The following SPMIP4 variants were observed in gnomAD, a reference collection of about 807,000 sequenced individuals.
SPMIP4 encodes the protein sperm-associated microtubule inner protein 4.
the SPMIP4 span, among the ~76,000 whole-genome samples, chr7:25,170,531 T>G: frequency 2.6e-5 from 4 of 152,254 alleles, no homozygotes; most frequent in Non-Finnish European, 5.9e-5. Flanking sequence ...TTTTTTAATT[T>G]TGACGAAGTT....
chr7:25,147,927 A>T, the SPMIP4 span, among the ~76,000 whole-genome samples: 1 of 151,966 alleles, frequency 6.6e-6, no homozygotes, highest in African/African-American at 2.4e-5. Flanking sequence ...CACAGAACTG[A>T]TAAGTTTTAG....
the SPMIP4 span, among the ~76,000 whole-genome samples, chr7:25,174,554 G>A: frequency 1.3e-5 from 2 of 152,108 alleles, no homozygotes; most frequent in South Asian, 2.1e-4. This position sits in a 1 kb window ranked among gnomAD's most constrained non-coding sequence, Gnocchi z 4.5. Flanking sequence ...AACATGACCC[G>A]CATTTTTAGT....
chr7:25,128,849 G>A, the SPMIP4 span, among the ~76,000 whole-genome samples: 1 of 152,218 alleles, frequency 6.6e-6, no homozygotes, highest in Non-Finnish European at 1.5e-5. This position sits in a 1 kb window ranked among gnomAD's most constrained non-coding sequence, Gnocchi z 4.5. Flanking sequence ...TCTTTAGTCA[G>A]CAAGTGATGA....
At chr7:25,177,407 C>T in the SPMIP4 span, among the ~76,000 whole-genome samples, 9 of 152,044 alleles carry the variant, frequency 5.9e-5, no homozygotes, top group African/African-American at 1.7e-4. Context: ...TGCTTGAACC[C>T]AGGAGGCGGA....
chr7:25,142,778 AG>A, the SPMIP4 span: 3 of 1,574,486 alleles, frequency 1.9e-6, no homozygotes, highest in Non-Finnish European at 2.6e-6. Context: ...GGTTTTGGGT[AG>A]AATACTGGCT....
At chr7:25,155,569 C>G in the SPMIP4 span, among the ~76,000 whole-genome samples, 1 of 152,134 alleles carries the variant, frequency 6.6e-6, no homozygotes, top group African/African-American at 2.4e-5. Flanking sequence ...TTAAGAGGCT[C>G]CCAGGAATTG....
chr7:25,162,916 C>T, the SPMIP4 span, among the ~76,000 whole-genome samples: 51 of 152,134 alleles, frequency 3.4e-4, no homozygotes, highest in Admixed American at 7.2e-4. Context: ...GGATTACAGG[C>T]ACCCGCCATC....
At chr7:25,136,258 G>A in the SPMIP4 span, 149 of 1,613,938 alleles carry the variant, frequency 9.2e-5, 1 homozygote, top group Admixed American at 2.2e-4. The surrounding 1 kb of genome is among the most constrained non-coding windows in gnomAD (Gnocchi z 5.7). Flanking sequence ...GAAAGCTTCC[G>A]TGTCTTGTTT....
chr7:25,136,316 T>C, the SPMIP4 span: 10 of 1,614,214 alleles, frequency 6.2e-6, no homozygotes, highest in South Asian at 8.8e-5. This position sits in a 1 kb window ranked among gnomAD's most constrained non-coding sequence, Gnocchi z 5.7. Flanking sequence ...TCTGGACACA[T>C]ATTATACTGA....
chr7:25,168,305 C>T, the SPMIP4 span: 58 of 1,603,226 alleles, frequency 3.6e-5, no homozygotes, highest in African/African-American at 5.5e-4. Flanking sequence ...CAGGTTTCTC[C>T]ACCAAATCCA....
the SPMIP4 span, among the ~76,000 whole-genome samples, chr7:25,163,349 A>T: frequency 1.3e-5 from 2 of 152,136 alleles, no homozygotes; most frequent in East Asian, 3.9e-4. The surrounding 1 kb of genome is among the most constrained non-coding windows in gnomAD (Gnocchi z 4.4). Context: ...CTGTAAATGT[A>T]GACAAACATA....
chr7:25,137,562 G>T, the SPMIP4 span, among the ~76,000 whole-genome samples: 8 of 152,072 alleles, frequency 5.3e-5, no homozygotes, highest in Non-Finnish European at 1.2e-4. Flanking sequence ...GGGTTGTGAA[G>T]AAAAATCTGA....
At chr7:25,176,550 C>T in the SPMIP4 span, among the ~76,000 whole-genome samples, 1 of 152,120 alleles carries the variant, frequency 6.6e-6, no homozygotes, top group Non-Finnish European at 1.5e-5. The surrounding 1 kb of genome is among the most constrained non-coding windows in gnomAD (Gnocchi z 4.4). Flanking sequence ...TCCTCCAATA[C>T]AAGAATATTT....
At chr7:25,150,888 T>C in the SPMIP4 span, among the ~76,000 whole-genome samples, 1 of 152,264 alleles carries the variant, frequency 6.6e-6, no homozygotes, top group Non-Finnish European at 1.5e-5. Context: ...AAATGGTGGC[T>C]ATTGCTTTAT....
the SPMIP4 span, chr7:25,125,797 G>A: frequency 6.1e-6 from 3 of 489,744 alleles, no homozygotes; most frequent in Non-Finnish European, 8.0e-6. Context: ...GGCGCCAACA[G>A]CATCCTAGAG....
chr7:25,134,861 A>T, the SPMIP4 span: 1 of 985,236 alleles, frequency 1.0e-6, no homozygotes, highest in Non-Finnish European at 1.2e-6. Flanking sequence ...CATGCAACTG[A>T]CATTGTTGCT....
At chr7:25,148,919 A>T in the SPMIP4 span, among the ~76,000 whole-genome samples, 1 of 152,236 alleles carries the variant, frequency 6.6e-6, no homozygotes, top group Non-Finnish European at 1.5e-5. Flanking sequence ...CAGGTGGTGG[A>T]AGAAGGTTTA....
At chr7:25,160,039 T>G in the SPMIP4 span, among the ~76,000 whole-genome samples, 1 of 151,948 alleles carries the variant, frequency 6.6e-6, no homozygotes, top group Admixed American at 6.6e-5. Context: ...AACTTCAAGA[T>G]CTGAAAAGAT....
At chr7:25,151,513 A>G in the SPMIP4 span, 1 of 848,244 alleles carries the variant, frequency 1.2e-6, no homozygotes, top group Non-Finnish European at 1.9e-6. Context: ...ATGTGCCACC[A>G]TGTCAAGCCT....
Sources: allele counts gnomAD v4.1 joint callset (sites outside exome capture counted in the v4.1 genomes callset), GRCh38; gene constraint gnomAD v4.1.1; non-coding constraint Gnocchi (gnomAD v3.1); transcripts MANE v1.5; gene names NCBI Gene and HGNC (gene_info 2026-07-23, HGNC 2026-07-21).